Variants in RNF220 observed in about 807,000 individuals in gnomAD.
RNF220 encodes ring finger protein 220, also known as E3 ubiquitin-protein ligase RNF220.
In RNF220, 7 loss-of-function variants were observed where a neutral mutation model predicts 67.1. The observed-to-expected ratio is 0.10, with a 90% CI of 0.06 to 0.20. RNF220 has a LOEUF of 0.20. Among genes scored for constraint, RNF220 ranks in the 10% least tolerant of loss-of-function variants. The pLI is 1.00. For synonymous variants in RNF220, 270 were observed against 283.2 expected, an observed-to-expected ratio of 0.95 and a Z score of 0.47; for missense variants, 565 against 740.3, an observed-to-expected ratio of 0.76 and a Z score of 2.75.
intron 2 of RNF220, among the ~76,000 whole-genome samples, chr1:44,597,749 CT>C (rs1025295351): frequency 6.6e-6 from 1 of 152,046 alleles, no homozygotes; most frequent in Non-Finnish European, 1.5e-5. Flanking sequence ...CTCAGCCACA[CT>C]TTTTTATTTC....
At chr1:44,632,227 T>C (rs772972748) in intron 5 of RNF220, 116 bp from the exon 6 acceptor site, 2 of 1,612,430 alleles carry the variant, frequency 1.2e-6, no homozygotes, top group African/African-American at 2.7e-5. Flanking sequence ...GTTTACGGGC[T>C]GTTTGGGGCG....
chr1:44,636,441 C>A (rs753702799), intron 8 of RNF220: 4 of 717,674 alleles, frequency 5.6e-6, no homozygotes, highest in Non-Finnish European at 7.8e-6. Context: ...AAGGTGACAG[C>A]CAAGCCGCGT....
intron 2 of RNF220, among the ~76,000 whole-genome samples, chr1:44,442,770 G>A (rs1651699295): frequency 6.6e-6 from 1 of 151,988 alleles, no homozygotes. Flanking sequence ...GCCCATCTAG[G>A]CCTCCCCAAG....
chr1:44,544,296 A>G (rs1661936805), intron 2 of RNF220, among the ~76,000 whole-genome samples: 1 of 152,216 alleles, frequency 6.6e-6, no homozygotes, highest in African/African-American at 2.4e-5. Flanking sequence ...TGTAGATTAT[A>G]GTGGGTAGTC....
intron 2 of RNF220, among the ~76,000 whole-genome samples, chr1:44,512,996 G>A (rs143074365): frequency 6.7e-4 from 102 of 152,326 alleles, no homozygotes; most frequent in African/African-American, 2.3e-3. Flanking sequence ...CAACAGACCA[G>A]CTTTCATTTT....
At chr1:44,451,327 A>C (rs1187699711) in intron 2 of RNF220, among the ~76,000 whole-genome samples, 1 of 152,206 alleles carries the variant, frequency 6.6e-6, no homozygotes, top group Non-Finnish European at 1.5e-5. Flanking sequence ...TGCAAATCTA[A>C]TGAATAAAAG....
intron 2 of RNF220, among the ~76,000 whole-genome samples, chr1:44,468,806 A>G (rs555205244): frequency 4.6e-5 from 7 of 152,224 alleles, no homozygotes; most frequent in African/African-American, 1.7e-4. Context: ...GATCCCAGCT[A>G]CTTGAGAGGC....
intron 2 of RNF220, among the ~76,000 whole-genome samples, chr1:44,427,727 G>C (rs1305872053): frequency 3.3e-5 from 5 of 152,198 alleles, no homozygotes; most frequent in Admixed American, 3.3e-4. Context: ...TCAGGATAAA[G>C]TGGGATGAAC....
intron 2 of RNF220, among the ~76,000 whole-genome samples, chr1:44,549,807 C>T (rs1229778367): frequency 6.6e-6 from 1 of 152,252 alleles, no homozygotes; most frequent in Non-Finnish European, 1.5e-5. Context: ...GGGAGAATCC[C>T]ACACCAGCAT....
chr1:44,436,678 A>G (rs900212046), intron 2 of RNF220, among the ~76,000 whole-genome samples: 1 of 152,198 alleles, frequency 6.6e-6, no homozygotes, highest in South Asian at 2.1e-4. Context: ...AGGACATCAA[A>G]CAGTCCACAA....
At chr1:44,494,763 A>G (rs1346956260) in intron 2 of RNF220, among the ~76,000 whole-genome samples, 1 of 152,204 alleles carries the variant, frequency 6.6e-6, no homozygotes, top group Non-Finnish European at 1.5e-5. Context: ...TTCTTTTGGT[A>G]CCTTTAGAAT....
chr1:44,448,991 G>C (rs1652387857), intron 2 of RNF220, among the ~76,000 whole-genome samples: 1 of 152,188 alleles, frequency 6.6e-6, no homozygotes, highest in Admixed American at 6.5e-5. Context: ...GCAGACTTAG[G>C]ATATTTAGCT....
At chr1:44,566,628 G>C (rs1207100965) in intron 2 of RNF220, among the ~76,000 whole-genome samples, 1 of 152,196 alleles carries the variant, frequency 6.6e-6, no homozygotes, top group African/African-American at 2.4e-5. Flanking sequence ...AAGTGGTATG[G>C]ATCTGAAACA....
At chr1:44,491,923 C>T (rs1242595483) in intron 2 of RNF220, among the ~76,000 whole-genome samples, 1 of 152,168 alleles carries the variant, frequency 6.6e-6, no homozygotes, top group African/African-American at 2.4e-5. Flanking sequence ...TTCGGCCTCC[C>T]AAAGTGCTGG....
chr1:44,532,177 G>T (rs1660886380), intron 2 of RNF220, among the ~76,000 whole-genome samples: 1 of 152,142 alleles, frequency 6.6e-6, no homozygotes, highest in African/African-American at 2.4e-5. Flanking sequence ...AAAGAATGGT[G>T]CCCAGACCTG....
At chr1:44,410,880 C>T (rs760662465) in intron 1 of RNF220, among the ~76,000 whole-genome samples, 20 of 152,152 alleles carry the variant, frequency 1.3e-4, no homozygotes, top group Non-Finnish European at 2.5e-4. Context: ...TATAGCCCTT[C>T]TCCCAGCCCC....
intron 2 of RNF220, among the ~76,000 whole-genome samples, chr1:44,539,049 C>T (rs937585201): frequency 4.6e-5 from 7 of 151,826 alleles, no homozygotes; most frequent in Admixed American, 3.9e-4. Flanking sequence ...GGCGAAACCC[C>T]GTCTCTACTA....
intron 4 of RNF220, 149 bp from the exon 5 acceptor site, chr1:44,626,148 C>T: frequency 1.6e-6 from 1 of 640,552 alleles, no homozygotes; most frequent in Non-Finnish European, 2.8e-6. Context: ...GACTTGACCC[C>T]ATGCCTTTAG....
chr1:44,582,439 CA>C (rs1000485589), intron 2 of RNF220, among the ~76,000 whole-genome samples: 3 of 152,212 alleles, frequency 2.0e-5, no homozygotes, highest in Non-Finnish European at 2.9e-5. Flanking sequence ...CTGAGGTACC[CA>C]AAGCCAAGTA....
Sources: allele counts gnomAD v4.1 joint callset (sites outside exome capture counted in the v4.1 genomes callset), GRCh38; gene constraint gnomAD v4.1.1; transcripts MANE v1.5; gene names NCBI Gene and HGNC (gene_info 2026-07-23, HGNC 2026-07-21).